Variants in RAD18 observed in about 807,000 individuals in gnomAD.
RAD18 encodes the protein RAD18 E3 ubiquitin protein ligase.
In RAD18, 47 loss-of-function variants were observed where a neutral mutation model predicts 60.4. The ratio of observed to expected loss-of-function variants is 0.78; its 90% CI spans 0.62 to 0.99. The LOEUF (loss-of-function observed/expected upper bound fraction) is 0.99, where lower values mean the gene tolerates loss of function less well. RAD18 is among the 50% of genes least tolerant of loss of function. The pLI, the probability that RAD18 is intolerant of heterozygous loss-of-function variation, is 0.00. For synonymous variants in RAD18, 225 were observed against 195.5 expected (o/e 1.15, Z -1.26); for missense variants, 640 against 593.3 (o/e 1.08, Z -0.82).
intron 11 of RAD18, among the ~76,000 whole-genome samples, chr3:8,894,741 C>T (rs1424449989): frequency 6.6e-6 from 1 of 151,370 alleles, no homozygotes; most frequent in African/African-American, 2.4e-5. Context: ...GCCTCATGCA[C>T]CACACCCAGT....
chr3:8,945,692 G>A (rs1020067016), intron 4 of RAD18, among the ~76,000 whole-genome samples: 7 of 151,816 alleles, frequency 4.6e-5, no homozygotes, highest in South Asian at 2.1e-4. Flanking sequence ...GGATGGTCTC[G>A]ATCTCCTGAC....
intron 12 of RAD18, among the ~76,000 whole-genome samples, chr3:8,883,272 A>G (rs1939504488): frequency 6.6e-6 from 1 of 152,228 alleles, no homozygotes; most frequent in African/African-American, 2.4e-5. Flanking sequence ...ACTTCAAATC[A>G]AGATCAAAGT....
intron 6 of RAD18, 53 bp downstream of exon 6, chr3:8,939,501 G>C: frequency 1.4e-6 from 2 of 1,433,182 alleles, no homozygotes; most frequent in Non-Finnish European, 1.9e-6. Context: ...CCCCAAGTAA[G>C]CACAAGAGGC....
At position 8,951,961 on chromosome 3, in the gene RAD18, C is replaced by T. The variant is rs564888905; in HGVS notation, c.134-3391G>A. On this transcript the variant is annotated intron_variant, in intron 2 of 12. Transcript: ENST00000264926. ...GGGGGTGAGGAGTGACCATAAGCTC[C>T]GGTATCTCTTCTCATACGGACACTA... Among the ~76,000 whole-genome samples, 5 of 152,268 alleles carry T rather than the reference C, an allele frequency of 3.3e-5. No homozygotes were observed. In the South Asian group the frequency reaches 8.3e-4, roughly 25 times the overall value.
intron 7 of RAD18, among the ~76,000 whole-genome samples, chr3:8,918,484 T>A (rs1043950569): frequency 7.2e-5 from 11 of 152,124 alleles, no homozygotes; most frequent in African/African-American, 2.2e-4. Flanking sequence ...CTCCGCTAAG[T>A]ACAACTAAAA....
intron 6 of RAD18, 73 bp from the exon 7 acceptor site, chr3:8,936,128 T>C: frequency 7.4e-7 from 1 of 1,347,244 alleles, no homozygotes; most frequent in South Asian, 1.6e-5. Flanking sequence ...GGCAAATAAA[T>C]TCTGATTCAA....
At chr3:8,907,949 C>T (rs2125053190) in intron 9 of RAD18, among the ~76,000 whole-genome samples, 1 of 152,286 alleles carries the variant, frequency 6.6e-6, no homozygotes, top group Admixed American at 6.5e-5. Flanking sequence ...CAAGGAGTGG[C>T]CAGCAGTGCG....
intron 11 of RAD18, among the ~76,000 whole-genome samples, chr3:8,894,439 C>T (rs1047332858): frequency 6.6e-6 from 1 of 152,168 alleles, no homozygotes; most frequent in African/African-American, 2.4e-5. Context: ...GCTTTGTAGA[C>T]TCATCCAGGG....
chr3:8,959,900 G>A (rs1310628914), intron 1 of RAD18, among the ~76,000 whole-genome samples: 5 of 149,724 alleles, frequency 3.3e-5, no homozygotes, highest in Non-Finnish European at 7.4e-5. Context: ...AAAAAAAAGA[G>A]GAAGCTCTCC....
At chr3:8,899,766 A>G (rs1316443321) in intron 10 of RAD18, among the ~76,000 whole-genome samples, 1 of 152,212 alleles carries the variant, frequency 6.6e-6, no homozygotes, top group African/African-American at 2.4e-5. Context: ...AGTGCCCAGG[A>G]TTCTCCCACT....
intron 11 of RAD18, among the ~76,000 whole-genome samples, chr3:8,897,938 G>A (rs1345453503): frequency 6.6e-6 from 1 of 152,130 alleles, no homozygotes; most frequent in Non-Finnish European, 1.5e-5. Flanking sequence ...CAGGCGTGGT[G>A]GCACAGGCCT....
intron 7 of RAD18, among the ~76,000 whole-genome samples, chr3:8,917,335 G>C (rs777463518): frequency 6.6e-6 from 1 of 152,114 alleles, no homozygotes. Context: ...GAACCAGAGA[G>C]AAACTTACCT....
intron 4 of RAD18, among the ~76,000 whole-genome samples, chr3:8,944,201 G>C (rs1276478422): frequency 6.6e-6 from 1 of 152,098 alleles, no homozygotes; most frequent in East Asian, 1.9e-4. Flanking sequence ...TAGATAAAAT[G>C]GACAAATTCT....
intron 11 of RAD18, among the ~76,000 whole-genome samples, chr3:8,892,318 A>G (rs1287846011): frequency 2.0e-5 from 3 of 152,194 alleles, no homozygotes; most frequent in East Asian, 1.9e-4. Flanking sequence ...CAGCTCCCCT[A>G]TGGAAGGGCA....
chr3:8,959,131 C>A, intron 1 of RAD18, 130 bp from the exon 2 acceptor site: 1 of 726,344 alleles, frequency 1.4e-6, no homozygotes, highest in Non-Finnish European at 2.4e-6. Flanking sequence ...CAAAAGCTAA[C>A]TCCAGATAAA....
chr3:8,957,520 T>C (rs1941033751), intron 2 of RAD18, among the ~76,000 whole-genome samples: 2 of 152,200 alleles, frequency 1.3e-5, no homozygotes, highest in South Asian at 4.1e-4. Flanking sequence ...CCTTGAGGTA[T>C]TTACTGCAAT....
chr3:8,917,869 A>G (rs2125057246), intron 7 of RAD18, among the ~76,000 whole-genome samples: 1 of 152,280 alleles, frequency 6.6e-6, no homozygotes, highest in African/African-American at 2.4e-5. Context: ...ACTATATACT[A>G]TCAAAAATAA....
chr3:8,882,358 C>T (rs1030261317), intron 12 of RAD18, among the ~76,000 whole-genome samples: 1 of 152,150 alleles, frequency 6.6e-6, no homozygotes, highest in Non-Finnish European at 1.5e-5. Flanking sequence ...ATGGTAGAAA[C>T]TAAAACCTCT....
chr3:8,891,289 T>G (rs774315430), intron 11 of RAD18, among the ~76,000 whole-genome samples: 6 of 151,804 alleles, frequency 4.0e-5, no homozygotes, highest in Non-Finnish European at 8.8e-5. Flanking sequence ...AAAGTAAGCT[T>G]CTTGCCAACA....
Sources: gnomAD v4.1 joint callset for allele counts (sites outside exome capture counted in the v4.1 genomes callset) on GRCh38, gnomAD v4.1.1 for gene constraint, MANE v1.5 for transcripts, NCBI Gene and HGNC (gene_info 2026-07-23, HGNC 2026-07-21) for gene names.